The following ELMO2 variants were observed in gnomAD, a reference collection of about 807,000 sequenced individuals.
ELMO2 encodes engulfment and cell motility protein 2.
A neutral mutation model predicts 96.2 loss-of-function variants in ELMO2; 37 were observed. The observed-to-expected ratio is 0.38, with a 90% CI of 0.30 to 0.51. The LOEUF is 0.51. ELMO2 is among the 20% of genes least tolerant of loss of function. The pLI is 0.88. For synonymous variants in ELMO2, 315 were observed against 329.4 expected, an observed-to-expected ratio of 0.96 and a Z score of 0.47; for missense variants, 561 against 912.6, an observed-to-expected ratio of 0.61 and a Z score of 4.96.
chr20:46,393,236 T>C lies in ELMO2; in HGVS notation c.193-93A>G, dbSNP rs116454133. The C allele has an allele frequency of 1.1e-3, 1,368 of 1,295,866 alleles. 15 individuals carry two copies. The African/African-American group carries it at 0.018, about 17-fold the overall frequency. The allele number at this position is 1,295,866 out of a possible 1,614,324, so 80.3% of individuals were successfully genotyped here. A position where few individuals can be genotyped will look rare whatever the true frequency, so the allele number is the denominator to read the frequency against. The stretch of plus-strand genomic sequence containing the variant: ...ATCAACAATAATGTTTTGTCTTTTT[T>C]ACAGTAGATGTAACTGAGGATCTTC... On this transcript the variant is annotated intron_variant, in intron 5 of 21. Coordinates refer to ENST00000290246, the MANE Select transcript of ELMO2 (RefSeq NM_133171.5).
chr20:46,371,731 G>C lies in ELMO2; in HGVS notation c.1581-40C>G. The C allele has an allele frequency of 1.2e-6, 2 of 1,613,890 alleles. No homozygotes were observed. The highest frequency in any genetic ancestry group is 1.7e-6 in the Non-Finnish European group (2 of 1,179,894). On this transcript the variant is annotated intron_variant, in intron 17 of 21. Transcript: ENST00000290246. The surrounding 1 kb of genome is among the most constrained non-coding windows in gnomAD (Gnocchi z 5.9). ...CACTGGAGTGAGCGGAAGGTCATGGGGACAGTGGAGCTCTGGAAGGAAAGC... is the reference window on the plus strand; with the variant it reads ...CACTGGAGTGAGCGGAAGGTCATGGCGACAGTGGAGCTCTGGAAGGAAAGC...
intron 11 of ELMO2, among the ~76,000 whole-genome samples, chr20:46,378,557 C>T (rs2059903360): frequency 6.6e-6 from 1 of 152,196 alleles, no homozygotes; most frequent in Admixed American, 6.5e-5. Context: ...CACTTGTGGG[C>T]TTGGGGCCCC....
chr20:46,391,277 T>C (rs1179363414), intron 6 of ELMO2, among the ~76,000 whole-genome samples: 1 of 152,184 alleles, frequency 6.6e-6, no homozygotes, highest in African/African-American at 2.4e-5. Context: ...GAGAGCGGGC[T>C]TGGCTACTTT....
rs1387533802 is a variant in ELMO2 at position 46,387,488 on chromosome 20, AAC to A, written c.426-53_426-52del. 2.7e-6 allele frequency: 4 copies of A among 1,499,946 alleles called. No individual in the cohort carries two copies. In the South Asian group the frequency reaches 3.4e-5, roughly 13 times the overall value. The allele number at this position is 1,499,946 out of a possible 1,614,324, so 92.9% of individuals were successfully genotyped here. A position where few individuals can be genotyped will look rare whatever the true frequency, so the allele number is the denominator to read the frequency against. On this transcript the variant is annotated intron_variant, in intron 7 of 21. Transcript: ENST00000290246. ...AAATAGACAAAGATTCAGATCGGGA[AAC>A]ACAGGTGTGAGGGCAGCCACAAAAA...
At chr20:46,384,303 C>T (rs1013970402) in intron 9 of ELMO2, among the ~76,000 whole-genome samples, 1 of 152,164 alleles carries the variant, frequency 6.6e-6, no homozygotes, top group Non-Finnish European at 1.5e-5. Context: ...AATCCTGGTA[C>T]TTGACATCTC....
At chr20:46,374,254 A>G (rs2059804223) in intron 15 of ELMO2, 78 bp downstream of exon 15, 1 of 1,203,046 alleles carries the variant, frequency 8.3e-7, no homozygotes, top group African/African-American at 1.5e-5. Context: ...ACTGACATGT[A>G]ACTGTTTATA....
At position 46,371,888 on chromosome 20, in the gene ELMO2, G is replaced by A. The variant is rs2059722293; in HGVS notation, c.1498C>T (p.Arg500Cys). The change falls in exon 17 of 22, where the codon CGT becomes TGT. Residue 500 changes from arginine to cysteine, a missense_variant. Coordinates refer to ENST00000290246, the MANE Select transcript of ELMO2 (RefSeq NM_133171.5). This position sits in a 1 kb window ranked among gnomAD's most constrained non-coding sequence, Gnocchi z 5.9. ...AGAATCTCAGAGTAACTCAGGCTAC[G>A]CAATTTGCTCTTGAACTGATCCAAA... ...NSLDQFKSKLRSLSYSEILRL... is the reference protein window; with the variant it reads ...NSLDQFKSKLCSLSYSEILRL... The A allele has an allele frequency of 1.2e-6, 2 of 1,614,086 alleles. No homozygotes were observed. The highest frequency in any genetic ancestry group is 1.1e-5 in the South Asian group (1 of 91,090).
intron 5 of ELMO2, 135 bp downstream of exon 5, chr20:46,393,394 G>A (rs2060188817): frequency 2.8e-6 from 3 of 1,071,418 alleles, no homozygotes; most frequent in Non-Finnish European, 4.2e-6. Context: ...GTGTTTCCCA[G>A]TCTGTCCGGA....
chr20:46,375,120 C>A lies in ELMO2; in HGVS notation c.1065+116G>T. ...CATTAAAGCTCCACCAGCTTCCTAA[C>A]TGTCATCTATTCCAGGGCCACCATG... On this transcript the variant is annotated intron_variant, in intron 13 of 21. Coordinates refer to ENST00000290246, the MANE Select transcript of ELMO2 (RefSeq NM_133171.5). This position sits in a 1 kb window ranked among gnomAD's most constrained non-coding sequence, Gnocchi z 4.6. 1.5e-6 allele frequency: 2 copies of A among 1,358,456 alleles called. No homozygotes were observed. The highest frequency in any genetic ancestry group is 2.0e-6 in the Non-Finnish European group (2 of 1,002,610). 84.2% of individuals were successfully genotyped at this position (1,358,456 alleles called of 1,614,324 possible).
chr20:46,380,321 C>T lies in ELMO2; in HGVS notation c.757-18G>A. ...GCCATATCCTGTGGAGGAAAATAAG[C>T]AAATATAAGGCAGGGTGGCAGGCAC... On this transcript the variant is annotated intron_variant, in intron 10 of 21. Transcript: ENST00000290246. 2 of 1,609,740 alleles carry T rather than the reference C, an allele frequency of 1.2e-6. No homozygotes were observed. The highest frequency in any genetic ancestry group is 1.7e-6 in the Non-Finnish European group (2 of 1,176,636).
chr20:46,392,009 TTTTACTTGACCACTTCAG>T (rs1182096838), intron 6 of ELMO2, among the ~76,000 whole-genome samples: 1 of 152,236 alleles, frequency 6.6e-6, no homozygotes, highest in Non-Finnish European at 1.5e-5. Flanking sequence ...TTTACCTTTC[TTTTACTTGACCACTTCAG>T]TGTGGCCACC....
At chr20:46,382,167 C>A in intron 10 of ELMO2, 1 of 1,288,228 alleles carries the variant, frequency 7.8e-7, no homozygotes, top group Non-Finnish European at 1.0e-6. Flanking sequence ...TCCCCACCTG[C>A]AAGAGCTGGG....
intron 20 of ELMO2, 94 bp downstream of exon 20, chr20:46,370,349 G>A: frequency 3.7e-6 from 4 of 1,071,476 alleles, no homozygotes; most frequent in Non-Finnish European, 4.4e-6. Flanking sequence ...AATAGAGAGG[G>A]GAAGATGCCA....
At chr20:46,390,858 G>C (rs1378335808) in intron 6 of ELMO2, 1 of 152,200 alleles carries the variant, frequency 6.6e-6, no homozygotes, top group Non-Finnish European at 1.5e-5. Flanking sequence ...GCCCTTCAAA[G>C]CACAGTGCTC....
At chr20:46,376,806 G>T (rs1201895255) in intron 11 of ELMO2, 1 of 1,288,670 alleles carries the variant, frequency 7.8e-7, no homozygotes, top group Non-Finnish European at 1.0e-6. Flanking sequence ...CTACTCAGTA[G>T]CTCTGTCTCT....
At chr20:46,390,059 A>C (rs1367470740) in intron 6 of ELMO2, among the ~76,000 whole-genome samples, 2 of 152,012 alleles carry the variant, frequency 1.3e-5, no homozygotes, top group African/African-American at 4.8e-5. Context: ...AGGCTGAGGC[A>C]GGAAAATTGC....
At chr20:46,385,702 A>T (rs2060029240) in intron 9 of ELMO2, among the ~76,000 whole-genome samples, 1 of 152,208 alleles carries the variant, frequency 6.6e-6, no homozygotes, top group African/African-American at 2.4e-5. Flanking sequence ...CCTCTACTTA[A>T]ATCAAAACAG....
At chr20:46,398,947 A>C (rs964468827) in intron 1 of ELMO2, among the ~76,000 whole-genome samples, 176 bp from the exon 2 acceptor site, 4 of 152,248 alleles carry the variant, frequency 2.6e-5, no homozygotes, top group African/African-American at 4.8e-5. Flanking sequence ...ACATAATGCT[A>C]AGGCACTATT....
intron 4 of ELMO2, 143 bp from the exon 5 acceptor site, chr20:46,393,744 G>T: frequency 1.0e-6 from 1 of 987,770 alleles, no homozygotes; most frequent in Non-Finnish European, 1.5e-6. Flanking sequence ...TTGTCATGTT[G>T]AAAAAATCAT....
Sources: allele counts gnomAD v4.1 joint callset (sites outside exome capture counted in the v4.1 genomes callset), GRCh38; gene constraint gnomAD v4.1.1; non-coding constraint Gnocchi (gnomAD v3.1); transcripts MANE v1.5; gene names NCBI Gene and HGNC (gene_info 2026-07-23, HGNC 2026-07-21).